Variants in CHL1 observed in about 807,000 individuals in gnomAD.
CHL1 encodes cell adhesion molecule L1 like.
A neutral mutation model predicts 141.9 loss-of-function variants in CHL1; 96 were observed. The ratio of observed to expected loss-of-function variants is 0.68; its 90% CI spans 0.57 to 0.80. The LOEUF (loss-of-function observed/expected upper bound fraction) is 0.80, where lower values mean the gene tolerates loss of function less well. Ranked by LOEUF, CHL1 falls within the 30% of genes least tolerant of loss-of-function variation. The probability of loss-of-function intolerance (pLI) is 0.00; values close to 1 mark genes in which losing one functional copy is unlikely to be tolerated. For synonymous variants in CHL1, 613 were observed against 502.2 expected (o/e 1.22, Z -2.95); for missense variants, 1,820 against 1,457.2 (o/e 1.25, Z -4.05).
intron 2 of CHL1, among the ~76,000 whole-genome samples, chr3:290,692 T>A (rs1490101880): frequency 1.3e-5 from 2 of 152,156 alleles, no homozygotes; most frequent in African/African-American, 4.8e-5. Context: ...CATAAACCCC[T>A]TTCCTCATTT....
intron 1 of CHL1, among the ~76,000 whole-genome samples, chr3:243,886 A>G (rs459980): frequency 0.56 from 85,623 of 152,118 alleles, 25,619 homozygotes; most frequent in African/African-American, 0.76. Flanking sequence ...GACTTATTCC[A>G]ATCGTTCTGA....
chr3:225,096 T>C (rs1281750207), intron 1 of CHL1, among the ~76,000 whole-genome samples: 1 of 152,172 alleles, frequency 6.6e-6, no homozygotes, highest in African/African-American at 2.4e-5. Flanking sequence ...ATCTCGCCAC[T>C]GCACTCCAGC....
chr3:336,091 T>A (rs908173638), intron 5 of CHL1, among the ~76,000 whole-genome samples: 1 of 152,168 alleles, frequency 6.6e-6, no homozygotes, highest in Admixed American at 6.5e-5. Context: ...AAAGATCGCA[T>A]AGGAAGAGAA....
In CHL1 at chr3:211,405, C is replaced by A. The variant is rs560087765; in HGVS notation, c.-175+14342C>A. Among the ~76,000 whole-genome samples the A allele has an allele frequency of 2.6e-5, 4 of 152,304 alleles. No individual in the cohort carries two copies. In the South Asian group the frequency reaches 8.3e-4, roughly 32 times the overall value. On this transcript the variant is annotated intron_variant, in intron 1 of 27. Transcript: ENST00000256509. ...TAGGATGCAGGGTGAGGATAGACAG[C>A]AGTAGAGCTTTCTTGAGCTGCTTAT...
chr3:386,707 T>G (rs1446825717), intron 19 of CHL1, among the ~76,000 whole-genome samples: 1 of 152,216 alleles, frequency 6.6e-6, no homozygotes, highest in African/African-American at 2.4e-5. Flanking sequence ...CCTGGTTATA[T>G]AATCGCATCC....
rs114538251 is a variant in CHL1, at chr3:297,220, C to T, written c.-94-22463C>T. Among the ~76,000 whole-genome samples the T allele has an allele frequency of 3.8e-3, 575 of 151,524 alleles. 2 individuals carry two copies. The highest frequency in any genetic ancestry group is 0.013 in the African/African-American group (524 of 41,256). The stretch of plus-strand genomic sequence containing the variant: ...CAACCTGTGTGACAAAGTGAGACCT[C>T]GTCTTAAGAAAATAAATAAAATAAA... On this transcript the variant is annotated intron_variant, in intron 2 of 27. Coordinates refer to ENST00000256509, the MANE Select transcript of CHL1 (RefSeq NM_006614.4).
In CHL1 at chr3:382,490, T is replaced by C. The variant is rs1176398625; in HGVS notation, c.1995T>C (p.Phe665=). ...TACTACCAGAGTATATTGTTGAATT[T>C]GAAGGAAACAAAGAAGAGCCTGGAA... is the stretch of plus-strand genomic sequence containing the variant. The part of the protein sequence containing the change: ...NSNISEYIVE[F]EGNKEEPGRW... Residue 665 remains phenylalanine (F), a synonymous_variant, in exon 18 of 28, where the codon TTT becomes TTC. Transcript: ENST00000256509. 1.9e-6 allele frequency: 3 copies of C among 1,613,766 alleles called. No individual in the cohort carries two copies. In the South Asian group the frequency reaches 3.3e-5, roughly 18 times the overall value.
intron 15 of CHL1, among the ~76,000 whole-genome samples, chr3:372,926 C>T (rs1022023595): frequency 6.6e-6 from 1 of 152,040 alleles, no homozygotes; most frequent in African/African-American, 2.4e-5. Flanking sequence ...CACGCCTATG[C>T]CTGGAGATGT....
chr3:360,472 G>C (rs1047280553), intron 12 of CHL1, 48 bp downstream of exon 12: 3 of 1,594,170 alleles, frequency 1.9e-6, no homozygotes, highest in Non-Finnish European at 2.6e-6. Flanking sequence ...CCTAAGGAAA[G>C]TGGTCAAGGT....
chr3:391,239 G>A (rs1169348409), intron 22 of CHL1, 80 bp downstream of exon 22: 6 of 1,141,464 alleles, frequency 5.3e-6, no homozygotes, highest in Non-Finnish European at 1.3e-6. Context: ...TTATGGCCAG[G>A]CACAGTGGCT....
intron 2 of CHL1, among the ~76,000 whole-genome samples, chr3:275,756 A>G (rs1251496420): frequency 6.6e-6 from 1 of 152,196 alleles, no homozygotes; most frequent in African/African-American, 2.4e-5. Flanking sequence ...TTTGCTGAAA[A>G]CAAAGCCTAT....
intron 5 of CHL1, among the ~76,000 whole-genome samples, chr3:337,839 G>A (rs563195542): frequency 1.1e-4 from 17 of 152,274 alleles, no homozygotes; most frequent in African/African-American, 3.6e-4. Flanking sequence ...ACATATGTGT[G>A]CATGTGTCTT....
intron 20 of CHL1, among the ~76,000 whole-genome samples, chr3:389,717 C>T (rs1178034329): frequency 6.6e-6 from 1 of 152,146 alleles, no homozygotes; most frequent in African/African-American, 2.4e-5. Context: ...CTATAAAGCT[C>T]TTTCTACATT....
At chr3:298,965 C>T (rs1698459176) in intron 2 of CHL1, among the ~76,000 whole-genome samples, 2 of 152,094 alleles carry the variant, frequency 1.3e-5, no homozygotes, top group Admixed American at 1.3e-4. Flanking sequence ...ATTAACAATG[C>T]CGTGTTAAGG....
At chr3:393,541 C>G (rs1390278665) in intron 23 of CHL1, among the ~76,000 whole-genome samples, 4 of 151,896 alleles carry the variant, frequency 2.6e-5, no homozygotes, top group African/African-American at 9.7e-5. Context: ...GATTATTGAA[C>G]TGCTTGATAT....
chr3:269,015 C>T (rs1425398323), intron 2 of CHL1, among the ~76,000 whole-genome samples: 2 of 152,136 alleles, frequency 1.3e-5, no homozygotes, highest in Non-Finnish European at 2.9e-5. Flanking sequence ...CTAGAGTTCA[C>T]AGCTGCATGC....
intron 19 of CHL1, among the ~76,000 whole-genome samples, chr3:387,499 A>T (rs1707848489): frequency 6.6e-6 from 1 of 152,210 alleles, no homozygotes. Flanking sequence ...GGCCGCTAAT[A>T]TAGCTAAAAT....
At chr3:264,995 C>T (rs1695035070) in intron 2 of CHL1, among the ~76,000 whole-genome samples, 1 of 152,230 alleles carries the variant, frequency 6.6e-6, no homozygotes, top group Non-Finnish European at 1.5e-5. Flanking sequence ...AATGATGTTA[C>T]ATCACGTCAC....
rs530074032 is a variant in CHL1 at position 358,515 on chromosome 3, A to T, written c.1166-1769A>T. Reference sequence around the variant, plus strand: ...ACATTCTGGGACTTAGAACGTGTACATCTTTCAGGGGCTATTGTTTTGCCT... The same window carrying T: ...ACATTCTGGGACTTAGAACGTGTACTTCTTTCAGGGGCTATTGTTTTGCCT... On this transcript the variant is annotated intron_variant, in intron 11 of 27. Transcript: ENST00000256509. Among the ~76,000 whole-genome samples, 7 of 152,298 alleles carry T rather than the reference A, an allele frequency of 4.6e-5. No homozygotes were observed. In the East Asian group the frequency reaches 1.3e-3, roughly 29 times the overall value.
Sources: allele counts gnomAD v4.1 joint callset (sites outside exome capture counted in the v4.1 genomes callset), GRCh38; gene constraint gnomAD v4.1.1; transcripts MANE v1.5; gene names NCBI Gene and HGNC (gene_info 2026-07-23, HGNC 2026-07-21).